Variants in CREB5 observed in about 807,000 individuals in gnomAD.
CREB5 encodes the protein cAMP responsive element binding protein 5.
CREB5 carries 19 observed loss-of-function variants against 57.1 expected under a neutral mutation model. The observed-to-expected ratio is 0.33, with a 90% CI of 0.23 to 0.49. The LOEUF (loss-of-function observed/expected upper bound fraction) is 0.49. CREB5 is among the 20% of genes least tolerant of loss of function. The pLI is 0.99. For missense variants in CREB5, 579 were observed against 671.6 expected (o/e 0.86, Z 1.52); for synonymous variants, 238 against 238.3 (o/e 1.00, Z 0.01).
chr7:28,804,988 C>T (rs1018306583), intron 8 of CREB5, among the ~76,000 whole-genome samples: 1 of 152,182 alleles, frequency 6.6e-6, no homozygotes, highest in African/African-American at 2.4e-5. Flanking sequence ...AACAGGCAAT[C>T]TTCTGAGTAA....
intron 5 of CREB5, among the ~76,000 whole-genome samples, chr7:28,707,789 A>AT (rs1336333741): frequency 6.6e-6 from 1 of 152,188 alleles, no homozygotes; most frequent in Non-Finnish European, 1.5e-5. Context: ...TACTGTTACT[A>AT]TTCTGCTTCA....
intron 7 of CREB5, among the ~76,000 whole-genome samples, chr7:28,795,458 A>T (rs1298698691): frequency 6.6e-6 from 1 of 152,202 alleles, no homozygotes; most frequent in African/African-American, 2.4e-5. Context: ...TAGAATTGTA[A>T]GAAAAGGAGG....
chr7:28,392,772 T>TAGGA (rs1321074372), intron 1 of CREB5, among the ~76,000 whole-genome samples: 2 of 152,186 alleles, frequency 1.3e-5, no homozygotes, highest in African/African-American at 4.8e-5. Flanking sequence ...ATTTTCGAGG[T>TAGGA]ACAGGTTACA....
At chr7:28,439,298 A>G (rs534160080) in intron 1 of CREB5, among the ~76,000 whole-genome samples, 1 of 152,078 alleles carries the variant, frequency 6.6e-6, no homozygotes, top group Non-Finnish European at 1.5e-5. Context: ...GCATTATATA[A>G]CTATCATCTG....
intron 5 of CREB5, among the ~76,000 whole-genome samples, chr7:28,655,638 T>C (rs1426879588): frequency 1.3e-5 from 2 of 152,172 alleles, no homozygotes; most frequent in African/African-American, 2.4e-5. Context: ...AAGTAATTAA[T>C]TTAATAAGAT....
At chr7:28,748,386 A>G (rs925768096) in intron 7 of CREB5, among the ~76,000 whole-genome samples, 1 of 152,196 alleles carries the variant, frequency 6.6e-6, no homozygotes, top group South Asian at 2.1e-4. Context: ...AGGAAGAACA[A>G]TGTGTGGGCA....
intron 1 of CREB5, among the ~76,000 whole-genome samples, chr7:28,425,601 C>T (rs1421738346): frequency 1.3e-5 from 2 of 152,112 alleles, no homozygotes; most frequent in African/African-American, 2.4e-5. Context: ...TGAATTAGGT[C>T]TCAATAAAGC....
At chr7:28,543,236 G>T (rs1398856453) in intron 4 of CREB5, among the ~76,000 whole-genome samples, 1 of 152,128 alleles carries the variant, frequency 6.6e-6, no homozygotes, top group African/African-American at 2.4e-5. Flanking sequence ...GGCATAAAAT[G>T]AAAAGTAAAG....
At chr7:28,410,867 ACACACTCGTG>A, upstream of CREB5, 1 of 284,076 alleles carries the variant, frequency 3.5e-6, no homozygotes, top group Non-Finnish European at 7.0e-6. Flanking sequence ...CCTCCCCACA[ACACACTCGTG>A]CAATCGCCGG....
intron 5 of CREB5, among the ~76,000 whole-genome samples, chr7:28,699,755 C>T (rs1228719622): frequency 6.6e-6 from 1 of 152,070 alleles, no homozygotes; most frequent in Non-Finnish European, 1.5e-5. Context: ...TTTACCTTTT[C>T]CAAAGCAGCT....
chr7:28,653,692 C>A (rs574754150), intron 5 of CREB5, among the ~76,000 whole-genome samples: 1 of 152,360 alleles, frequency 6.6e-6, no homozygotes, highest in East Asian at 1.9e-4. Flanking sequence ...CAAAGATGCA[C>A]AGAAGCAGTG....
chr7:28,715,169 A>C (rs989159693), intron 5 of CREB5, among the ~76,000 whole-genome samples: 1 of 152,248 alleles, frequency 6.6e-6, no homozygotes, highest in Non-Finnish European at 1.5e-5. Context: ...GAATATCAAA[A>C]GAAATGAACT....
intron 5 of CREB5, among the ~76,000 whole-genome samples, chr7:28,610,972 G>A (rs1223786321): frequency 6.6e-6 from 1 of 152,012 alleles, no homozygotes; most frequent in Non-Finnish European, 1.5e-5. Context: ...GCCAAGGTAG[G>A]GGGGTGTGTG....
intron 1 of CREB5, among the ~76,000 whole-genome samples, chr7:28,438,291 A>C (rs1329558983): frequency 2.6e-5 from 4 of 152,096 alleles, no homozygotes; most frequent in African/African-American, 9.7e-5. Flanking sequence ...TTCACACTGA[A>C]GAATATGTTG....
At chr7:28,423,431 AG>A (rs1255063312) in intron 1 of CREB5, among the ~76,000 whole-genome samples, 5 of 152,172 alleles carry the variant, frequency 3.3e-5, no homozygotes, top group Middle Eastern at 3.2e-3. Flanking sequence ...GCCTGGAGAC[AG>A]AAAACCCAGT....
intron 7 of CREB5, among the ~76,000 whole-genome samples, chr7:28,738,741 A>G (rs1438097420): frequency 6.6e-6 from 1 of 152,212 alleles, no homozygotes; most frequent in Non-Finnish European, 1.5e-5. Flanking sequence ...AGAACTGCGT[A>G]TGCTCCTTAG....
intron 7 of CREB5, among the ~76,000 whole-genome samples, chr7:28,782,277 G>A (rs1807032870): frequency 6.6e-6 from 1 of 152,146 alleles, no homozygotes; most frequent in South Asian, 2.1e-4. Context: ...GATTAAAGCA[G>A]TGTGAGGGTA....
At chr7:28,320,053 C>A (rs568176912) in intron 1 of CREB5, among the ~76,000 whole-genome samples, 1 of 152,060 alleles carries the variant, frequency 6.6e-6, no homozygotes, top group East Asian at 1.9e-4. Context: ...ACCTCAGCCT[C>A]CCAAGTAGCT....
chr7:28,424,464 C>T (rs867375816), intron 1 of CREB5, among the ~76,000 whole-genome samples: 16 of 152,276 alleles, frequency 1.1e-4, no homozygotes, highest in South Asian at 8.3e-4. Context: ...AACAAGTCTT[C>T]GGAGATGGGG....
Sources: allele counts gnomAD v4.1 joint callset (sites outside exome capture counted in the v4.1 genomes callset), GRCh38; gene constraint gnomAD v4.1.1; transcripts MANE v1.5; gene names NCBI Gene and HGNC (gene_info 2026-07-23, HGNC 2026-07-21).